The following THSD7B variants were observed in gnomAD, a reference collection of about 807,000 sequenced individuals.
THSD7B encodes the protein thrombospondin type 1 domain containing 7B.
Under a neutral mutation model 213.6 loss-of-function variants are expected in THSD7B, and 138 were observed. The ratio of observed to expected loss-of-function variants is 0.65; its 90% confidence interval spans 0.56 to 0.74. THSD7B has a LOEUF of 0.74. THSD7B is among the 30% of genes least tolerant of loss of function. The probability of loss-of-function intolerance (pLI) is 0.00; values close to 1 mark genes in which losing one functional copy is unlikely to be tolerated. For synonymous variants in THSD7B, 742 were observed against 687.0 expected (o/e 1.08, Z -1.25); for missense variants, 1,931 against 1,991.5 (o/e 0.97, Z 0.58).
intron 12 of THSD7B, among the ~76,000 whole-genome samples, chr2:137,313,697 G>A (rs986169984): frequency 1.3e-5 from 2 of 152,006 alleles, no homozygotes; most frequent in African/African-American, 4.8e-5. Flanking sequence ...TTTAGAGCCG[G>A]CCTGGTGGTG....
chr2:137,485,726 T>G (rs1024198782), intron 15 of THSD7B, among the ~76,000 whole-genome samples: 21 of 151,812 alleles, frequency 1.4e-4, no homozygotes, highest in Non-Finnish European at 2.8e-4. Context: ...AAGCAAAAAA[T>G]GTTAAGGGCA....
At chr2:136,865,051 T>G (rs1162714731) in intron 1 of THSD7B, among the ~76,000 whole-genome samples, 2 of 152,250 alleles carry the variant, frequency 1.3e-5, no homozygotes, top group African/African-American at 4.8e-5. Context: ...ACTGGGTTAT[T>G]ACAGTACTGG....
At chr2:137,028,019 A>G (rs1191478673) in intron 2 of THSD7B, among the ~76,000 whole-genome samples, 2 of 152,010 alleles carry the variant, frequency 1.3e-5, no homozygotes, top group Admixed American at 6.6e-5. Context: ...TAATCTTGTT[A>G]TTATTATTCC....
At chr2:137,662,203 C>T (rs1683359464) in intron 25 of THSD7B, among the ~76,000 whole-genome samples, 2 of 147,500 alleles carry the variant, frequency 1.4e-5, no homozygotes, top group South Asian at 4.3e-4. Context: ...GCTAGGACTA[C>T]AGATGCCCGC....
chr2:137,189,640 C>T (rs1302050744), intron 7 of THSD7B, among the ~76,000 whole-genome samples: 2 of 151,902 alleles, frequency 1.3e-5, no homozygotes, highest in African/African-American at 2.4e-5. Context: ...TTTCTGGTCA[C>T]TTCGTACCCG....
At chr2:137,654,280 A>T (rs1683191586) in intron 21 of THSD7B, among the ~76,000 whole-genome samples, 1 of 152,070 alleles carries the variant, frequency 6.6e-6, no homozygotes, top group Non-Finnish European at 1.5e-5. Context: ...TGCCTAGGGG[A>T]TCTGTGAAAC....
intron 2 of THSD7B, among the ~76,000 whole-genome samples, chr2:136,983,358 G>GACACACACACAC (rs778968995): frequency 0.023 from 2,412 of 105,044 alleles, 110 homozygotes; most frequent in African/African-American, 0.068. Context: ...CAGACACACA[G>GACACACACACAC]ACACACACAC....
chr2:137,175,431 G>T (rs1476954167), intron 7 of THSD7B, among the ~76,000 whole-genome samples: 1 of 152,154 alleles, frequency 6.6e-6, no homozygotes, highest in Non-Finnish European at 1.5e-5. Context: ...TTAGAGTTCT[G>T]CAGTGTTGCC....
intron 12 of THSD7B, among the ~76,000 whole-genome samples, chr2:137,279,935 A>G (rs1682967591): frequency 6.6e-6 from 1 of 152,204 alleles, no homozygotes; most frequent in Non-Finnish European, 1.5e-5. Flanking sequence ...TTTGTATCCC[A>G]GAGGGAGTTT....
At chr2:136,936,812 C>G (rs1380753089) in intron 2 of THSD7B, among the ~76,000 whole-genome samples, 1 of 138,590 alleles carries the variant, frequency 7.2e-6, no homozygotes, top group East Asian at 1.9e-4. Flanking sequence ...CCTTAAAAAC[C>G]TATGGAAATA....
intron 14 of THSD7B, among the ~76,000 whole-genome samples, chr2:137,433,247 G>A (rs971448853): frequency 1.3e-5 from 2 of 152,172 alleles, no homozygotes; most frequent in African/African-American, 4.8e-5. Flanking sequence ...GATCTAAAAA[G>A]TGAAGGATAA....
chr2:137,154,718 G>A (rs1314957400), intron 5 of THSD7B, among the ~76,000 whole-genome samples: 1 of 151,906 alleles, frequency 6.6e-6, no homozygotes, highest in Non-Finnish European at 1.5e-5. Flanking sequence ...TCTTTACAAT[G>A]GCAGTCACAT....
intron 14 of THSD7B, among the ~76,000 whole-genome samples, chr2:137,425,789 G>A (rs1687042043): frequency 1.3e-5 from 2 of 152,124 alleles, no homozygotes; most frequent in South Asian, 4.1e-4. Flanking sequence ...AGACAAGAAT[G>A]CTTATTCTTG....
rs184642299 is a variant in THSD7B, at chr2:137,231,302, T to A, written c.1915+67T>A. On this transcript the variant is annotated intron_variant, in intron 8 of 27. Coordinates refer to ENST00000409968, the MANE Select transcript of THSD7B (RefSeq NM_001316349.2). ...AATTATTATCATTTTTCCTCATTGG[T>A]GATAGAGAAGTTTATATGGAGGAAA... The A allele has an allele frequency of 1.6e-4, 227 of 1,456,582 alleles. 1 individual carries two copies. In the East Asian group the frequency reaches 4.8e-3, roughly 31 times the overall value. 90.2% of individuals were successfully genotyped at this position (1,456,582 alleles called of 1,614,324 possible).
intron 5 of THSD7B, among the ~76,000 whole-genome samples, chr2:137,151,606 G>C (rs1679821011): frequency 6.6e-6 from 1 of 152,000 alleles, no homozygotes. Context: ...CTGTTTTACA[G>C]TTAATTACTT....
At chr2:137,381,138 G>A (rs770090659) in intron 12 of THSD7B, among the ~76,000 whole-genome samples, 1 of 152,160 alleles carries the variant, frequency 6.6e-6, no homozygotes, top group Non-Finnish European at 1.5e-5. Flanking sequence ...AGTCCCCACC[G>A]ATTCTGGGTC....
At chr2:137,095,265 G>A in intron 4 of THSD7B, 144 bp downstream of exon 4, 1 of 1,196,608 alleles carries the variant, frequency 8.4e-7, no homozygotes, top group Non-Finnish European at 1.1e-6. Context: ...GCATAGGAGA[G>A]CGGGTTAAGA....
intron 1 of THSD7B, among the ~76,000 whole-genome samples, chr2:136,808,576 A>G (rs544630594): frequency 1.3e-5 from 2 of 152,188 alleles, no homozygotes; most frequent in African/African-American, 4.8e-5. Context: ...TATGTTTTCA[A>G]TCAGTTGGCT....
At position 137,632,846 on chromosome 2, in the gene THSD7B, G is replaced by A. The variant is rs75931990; in HGVS notation, c.3800-9642G>A. 9.9e-3 allele frequency among the ~76,000 whole-genome samples: 1,504 copies of A among 152,228 alleles called. 32 individuals carry two copies. The highest frequency in any genetic ancestry group is 0.034 in the African/African-American group (1,426 of 41,530). On this transcript the variant is annotated intron_variant, in intron 20 of 27. Transcript: ENST00000409968. ...CTGGCAGAGATGTGATCCTGGCTTG[G>A]ACTAGAGTCTGTTTTGCTCTGAAAA...
Sources: allele counts gnomAD v4.1 joint callset (sites outside exome capture counted in the v4.1 genomes callset), GRCh38; gene constraint gnomAD v4.1.1; transcripts MANE v1.5; gene names NCBI Gene and HGNC (gene_info 2026-07-23, HGNC 2026-07-21).